VSTM1: variants seen among roughly 807,000 people sequenced by gnomAD.
The protein encoded by VSTM1 is V-set and transmembrane domain containing 1, also known as V-set and transmembrane domain-containing protein 1.
In VSTM1, 27 loss-of-function variants were observed where a neutral mutation model predicts 33.1. The observed-to-expected ratio is 0.82, with a 90% confidence interval of 0.60 to 1.12. The LOEUF is 1.12. Ranked by LOEUF, VSTM1 falls within the 50% of genes most tolerant of loss-of-function variation. VSTM1 has a pLI of 0.00. For missense variants in VSTM1, 304 were observed against 288.9 expected (o/e 1.05, Z -0.38); for synonymous variants, 115 against 110.3 (o/e 1.04, Z -0.27).
intron 8 of VSTM1, among the ~76,000 whole-genome samples, chr19:54,041,462 C>T (rs777396699): frequency 5.3e-5 from 8 of 151,946 alleles, no homozygotes; most frequent in African/African-American, 9.7e-5. Context: ...CTACCACGCC[C>T]AGCTAATTTT....
intron 4 of VSTM1, among the ~76,000 whole-genome samples, chr19:54,045,888 ATC>A (rs2070558804): frequency 1.3e-5 from 2 of 152,086 alleles, no homozygotes; most frequent in South Asian, 4.1e-4. Flanking sequence ...ATATCTAATT[ATC>A]TGTCTATCTA....
rs1049475180 is a variant in VSTM1, at chr19:54,040,852, T to A, written c.*109A>T. 1.9e-5 allele frequency: 27 copies of A among 1,410,978 alleles called. No individual in the cohort carries two copies. The highest frequency in any genetic ancestry group is 3.0e-5 in the African/African-American group (2 of 67,458). 87.4% of individuals were successfully genotyped at this position (1,410,978 alleles called of 1,614,324 possible). On this transcript the variant is annotated 3_prime_UTR_variant, in exon 9 of 9. Transcript: ENST00000338372. Reference sequence around the variant, plus strand: ...TCTTTTTAAGACGAGAAACTTAATTTTATTGATATGGACGAAGAGCAAGGA... The same window carrying A: ...TCTTTTTAAGACGAGAAACTTAATTATATTGATATGGACGAAGAGCAAGGA...
In VSTM1 at chr19:54,042,429, C is replaced by A. The variant is rs1408824994; in HGVS notation, c.395-60G>T. On this transcript the variant is annotated intron_variant, in intron 4 of 8. Transcript: ENST00000338372. ...GGCTCCTGAAATCCACTGATAGGGGCGAGCCGAAAAGCTAAGAGAAGCCAG... is the reference window on the plus strand; with the variant it reads ...GGCTCCTGAAATCCACTGATAGGGGAGAGCCGAAAAGCTAAGAGAAGCCAG... The A allele has an allele frequency of 2.2e-5, 34 of 1,560,612 alleles. No homozygotes were observed. The South Asian group carries it at 3.9e-4, about 18-fold the overall frequency.
rs1454370865 is a variant in VSTM1 at position 54,052,560 on chromosome 19, A to C, written c.356-1112T>G. ...CTGAGTCTGGCTTATTTTGTTTAGC[A>C]TGATATATGCGGAGATGTTGATGAA... On this transcript the variant is annotated intron_variant, in intron 3 of 8. Transcript: ENST00000338372. 1.4e-5 allele frequency among the ~76,000 whole-genome samples: 2 copies of C among 141,456 alleles called. 1 individual carries two copies. The highest frequency in any genetic ancestry group is 1.5e-4 in the Admixed American group (2 of 13,738). The allele number at this position is 141,456 out of a possible 152,430, so 92.8% of individuals were successfully genotyped here.
At chr19:54,042,488 A>C in intron 4 of VSTM1, 119 bp from the exon 5 acceptor site, 2 of 1,410,068 alleles carry the variant, frequency 1.4e-6, no homozygotes, top group South Asian at 1.4e-5. Context: ...TGGATCTCCC[A>C]CCTCGGAGCT....
At position 54,042,817 on chromosome 19, in the gene VSTM1, T is replaced by TATATAC. The variant is rs1555752424; in HGVS notation, c.395-449_395-448insGTATAT. On this transcript the variant is annotated intron_variant, in intron 4 of 8. Transcript: ENST00000338372. ...GTATATATAAATGTGTATATATATA[T>TATATAC]ATATATATATATATATATATACATA... Among the ~76,000 whole-genome samples, 215 of 51,932 alleles carry TATATAC rather than the reference T, an allele frequency of 4.1e-3. 7 individuals carry two copies. Among genetic ancestry groups the TATATAC allele is most frequent in the Admixed American group, 0.039 (177 of 4,582 alleles). The allele number at this position is 51,932 out of a possible 152,430, so 34.1% of individuals were successfully genotyped here.
chr19:54,051,579 C>T (rs2070843600), intron 3 of VSTM1, 131 bp from the exon 4 acceptor site: 1 of 630,534 alleles, frequency 1.6e-6, no homozygotes, highest in Non-Finnish European at 2.7e-6. Flanking sequence ...CTTCTCCATT[C>T]CCTAGATGCT....
intron 4 of VSTM1, among the ~76,000 whole-genome samples, chr19:54,044,918 G>A (rs2070497071): frequency 6.6e-6 from 1 of 152,158 alleles, no homozygotes; most frequent in Admixed American, 6.6e-5. Context: ...TAAGGAGTAA[G>A]TAGCAGAAAC....
Position 54,042,925 on chromosome 19 carries a change from G to A in VSTM1, c.395-556C>T, listed in dbSNP as rs559289947. 4.1e-5 allele frequency among the ~76,000 whole-genome samples: 6 copies of A among 145,494 alleles called. No homozygotes were observed. In the South Asian group the frequency reaches 1.3e-3, roughly 32 times the overall value. On this transcript the variant is annotated intron_variant, in intron 4 of 8. Coordinates refer to ENST00000338372, the MANE Select transcript of VSTM1 (RefSeq NM_198481.4). ...GGCTGGAGTGTGATCCTGGCTCACT[G>A]CAACCTCCACCTCCCTGGTTCAAAC...
At chr19:54,057,332 A>G (rs969972298) in intron 3 of VSTM1, among the ~76,000 whole-genome samples, 1 of 119,564 alleles carries the variant, frequency 8.4e-6, no homozygotes, top group Non-Finnish European at 1.9e-5. Context: ...CAGCCTGGGC[A>G]ACATAGATCC....
At chr19:54,044,308 T>C (rs887253274) in intron 4 of VSTM1, among the ~76,000 whole-genome samples, 8 of 152,056 alleles carry the variant, frequency 5.3e-5, no homozygotes, top group African/African-American at 7.2e-5. Flanking sequence ...CCTGTAATCC[T>C]GGCACTTTGG....
Position 54,051,294 on chromosome 19 carries a change from AAAAC to A in VSTM1, c.394+112_394+115del, listed in dbSNP as rs769141344. 1.9e-3 allele frequency: 1,962 copies of A among 1,013,838 alleles called. 8 individuals are homozygous for A. Among genetic ancestry groups the A allele is most frequent in the Middle Eastern group, 0.013 (47 of 3,614 alleles). The allele number at this position is 1,013,838 out of a possible 1,614,324, so 62.8% of individuals were successfully genotyped here. On this transcript the variant is annotated intron_variant, in intron 4 of 8. Transcript: ENST00000338372. Reference sequence around the variant, plus strand: ...GTGACAAAGCGAGACTCTATCTCAAAAAACAAACAAACAAACAAACAAACAAATA... The same window carrying A: ...GTGACAAAGCGAGACTCTATCTCAAAAAACAAACAAACAAACAAACAAATA...
Position 54,054,565 on chromosome 19 carries a change from G to T in VSTM1, c.356-3117C>A, listed in dbSNP as rs1403599694. ...CCAGGGATTTCCCATGATATGGCAGGACTGACCTACTGGAAGCAACTGTGG... is the reference window on the plus strand; with the variant it reads ...CCAGGGATTTCCCATGATATGGCAGTACTGACCTACTGGAAGCAACTGTGG... On this transcript the variant is annotated intron_variant, in intron 3 of 8. Transcript: ENST00000338372. Among the ~76,000 whole-genome samples, 2 of 142,676 alleles carry T rather than the reference G, an allele frequency of 1.4e-5. 1 individual carries two copies. The highest frequency in any genetic ancestry group is 3.1e-5 in the Non-Finnish European group (2 of 64,590). 93.6% of individuals were successfully genotyped at this position (142,676 alleles called of 152,430 possible).
chr19:54,042,801 A>T (rs1240458389), intron 4 of VSTM1, among the ~76,000 whole-genome samples: 59 of 73,806 alleles, frequency 8.0e-4, no homozygotes, highest in Admixed American at 1.2e-3. Context: ...TGTATATATA[A>T]ATGTGTATAT....
intron 4 of VSTM1, among the ~76,000 whole-genome samples, chr19:54,046,323 C>A (rs1344426517): frequency 6.6e-6 from 1 of 152,112 alleles, no homozygotes; most frequent in Admixed American, 6.6e-5. Flanking sequence ...AGTACTGGGT[C>A]TCCTACCTCC....
intron 6 of VSTM1, 46 bp from the exon 7 acceptor site, chr19:54,041,999 G>C (rs1269111002): frequency 2.5e-6 from 4 of 1,613,240 alleles, no homozygotes; most frequent in Non-Finnish European, 3.4e-6. Context: ...TGAAGATTTC[G>C]GGGAGAGGGT....
In VSTM1 at chr19:54,042,328, T is replaced by G. The variant is rs1247009921; in HGVS notation, c.436A>C (p.Ile146Leu). Reference sequence around the variant, plus strand: ...AAGACTGAGAGGAAGAGGAGAAGGATGGAGATGCAGCTGAAGATGGCGACA... The same window carrying G: ...AAGACTGAGAGGAAGAGGAGAAGGAGGGAGATGCAGCTGAAGATGGCGACA... ...IFVAIFSCIS[I>L]LLLFLSVFII... The change falls in exon 5 of 9, where the codon ATC becomes CTC. Residue 146 changes from isoleucine to leucine, a missense_variant. Coordinates refer to ENST00000338372, the MANE Select transcript of VSTM1 (RefSeq NM_198481.4). 1.2e-6 allele frequency: 2 copies of G among 1,613,382 alleles called. No homozygotes were observed. The highest frequency in any genetic ancestry group is 8.5e-7 in the Non-Finnish European group (1 of 1,179,874).
At chr19:54,059,219 C>T (rs1392058658) in intron 1 of VSTM1, among the ~76,000 whole-genome samples, 1 of 151,946 alleles carries the variant, frequency 6.6e-6, no homozygotes, top group African/African-American at 2.4e-5. Flanking sequence ...CGCCACCACA[C>T]CTGGCTAATT....
At chr19:54,056,182 TTTTCTTTTCTTTC>T (rs143767424) in intron 3 of VSTM1, among the ~76,000 whole-genome samples, 3,834 of 125,022 alleles carry the variant, frequency 0.031, 527 homozygotes, top group Non-Finnish European at 0.052. Context: ...CTTTTTTTGT[TTTTCTTTTCTTTC>T]TTTCTTTTCT....
Sources: gnomAD v4.1 joint callset for allele counts (sites outside exome capture counted in the v4.1 genomes callset) on GRCh38, gnomAD v4.1.1 for gene constraint, MANE v1.5 for transcripts, NCBI Gene and HGNC (gene_info 2026-07-23, HGNC 2026-07-21) for gene names.